IQSEC3: variants seen among roughly 807,000 people sequenced by gnomAD.
The protein encoded by IQSEC3 is IQ motif and SEC7 domain-containing protein 3.
In IQSEC3, 50 loss-of-function variants were observed where a neutral mutation model predicts 105.4. The observed-to-expected ratio is 0.47, with a 90% CI of 0.38 to 0.60. The LOEUF is 0.60. Among genes scored for constraint, IQSEC3 ranks in the 20% least tolerant of loss-of-function variants. The probability of loss-of-function intolerance (pLI) is 0.00; values close to 1 mark genes in which losing one functional copy is unlikely to be tolerated. For synonymous variants in IQSEC3, 708 were observed against 746.0 expected (o/e 0.95, Z 0.83); for missense variants, 1,415 against 1,630.0 (o/e 0.87, Z 2.27).
chr12:102,720 C>T (rs969158302), intron 2 of IQSEC3, among the ~76,000 whole-genome samples: 4 of 152,160 alleles, frequency 2.6e-5, no homozygotes, highest in African/African-American at 9.7e-5. Context: ...GGCTGGGAGC[C>T]GGACAGGGAG....
chr12:162,852 A>G (rs1039382856), intron 8 of IQSEC3, among the ~76,000 whole-genome samples: 16 of 152,138 alleles, frequency 1.1e-4, no homozygotes, highest in Admixed American at 5.9e-4. Flanking sequence ...TGGAGGTGTC[A>G]TATCTGCAGG....
chr12:76,771 G>T (rs763217232), intron 1 of IQSEC3, among the ~76,000 whole-genome samples: 1 of 152,270 alleles, frequency 6.6e-6, no homozygotes, highest in African/African-American at 2.4e-5. Flanking sequence ...GTGTCTGGAA[G>T]CTCAGGTACG....
intron 2 of IQSEC3, among the ~76,000 whole-genome samples, chr12:122,639 G>A (rs1460209942): frequency 6.6e-6 from 1 of 152,214 alleles, no homozygotes; most frequent in Non-Finnish European, 1.5e-5. Flanking sequence ...GGCCACTGGG[G>A]CTCGATCCCA....
intron 2 of IQSEC3, among the ~76,000 whole-genome samples, chr12:113,107 T>TTCCC (rs1555079921): frequency 6.6e-6 from 1 of 152,134 alleles, no homozygotes; most frequent in East Asian, 1.9e-4. Flanking sequence ...CCCCACTTCC[T>TTCCC]TCCCTCCATG....
chr12:72,171 C>T (rs2136860888), intron 1 of IQSEC3, among the ~76,000 whole-genome samples: 1 of 152,350 alleles, frequency 6.6e-6, no homozygotes, highest in Non-Finnish European at 1.5e-5. Flanking sequence ...ACAAAGGCAT[C>T]CTGGCACATT....
chr12:173,314 C>T (rs1207775072), intron 13 of IQSEC3, among the ~76,000 whole-genome samples: 1 of 152,124 alleles, frequency 6.6e-6, no homozygotes, highest in East Asian at 1.9e-4. Flanking sequence ...AAATAAAGCC[C>T]GTGACATGCC....
chr12:144,975 G>A (rs1248780536), intron 5 of IQSEC3, among the ~76,000 whole-genome samples: 1 of 152,220 alleles, frequency 6.6e-6, no homozygotes, highest in African/African-American at 2.4e-5. Context: ...GAAACCACTG[G>A]CATGTGCCAC....
intron 2 of IQSEC3, among the ~76,000 whole-genome samples, chr12:111,300 C>A (rs1318738253): frequency 1.3e-5 from 2 of 152,168 alleles, no homozygotes; most frequent in Non-Finnish European, 2.9e-5. Flanking sequence ...CAAAGGTTGA[C>A]GAATGGGCTT....
At chr12:168,869 C>T in intron 11 of IQSEC3, 144 bp from the exon 12 acceptor site, 1 of 716,590 alleles carries the variant, frequency 1.4e-6, no homozygotes, top group Middle Eastern at 2.6e-4. Flanking sequence ...AGTGGTGGGG[C>T]CAGACCCGAG....
At chr12:123,253 A>T (rs571721309) in intron 2 of IQSEC3, among the ~76,000 whole-genome samples, 2 of 152,050 alleles carry the variant, frequency 1.3e-5, no homozygotes, top group Non-Finnish European at 2.9e-5. Flanking sequence ...AAAAAAATTT[A>T]AAAATTTGCC....
intron 4 of IQSEC3, chr12:140,434 A>G (rs1237233638): frequency 1.3e-5 from 2 of 152,188 alleles, no homozygotes; most frequent in Non-Finnish European, 1.5e-5. Context: ...CTGCATGCAC[A>G]TGAAAACTCA....
Position 125,660 on chromosome 12 carries a change from G to A in IQSEC3, c.651G>A (p.Gly217=), listed in dbSNP as rs782397364. 6.5e-6 allele frequency: 10 copies of A among 1,531,328 alleles called. No individual in the cohort carries two copies. The highest frequency in any genetic ancestry group is 2.5e-5 in the South Asian group (2 of 79,260). 94.9% of individuals were successfully genotyped at this position (1,531,328 alleles called of 1,614,324 possible). A position where few individuals can be genotyped will look rare whatever the true frequency, so the allele number is the denominator to read the frequency against. ...ATGGCTCCTGCACCCAGGCCGGTGGGGGCATGGAGGACTCCGTGGTGGCAG... is the reference window on the plus strand; with the variant it reads ...ATGGCTCCTGCACCCAGGCCGGTGGAGGCATGGAGGACTCCGTGGTGGCAG... ...QSDGSCTQAG[G]GMEDSVVAAA... is the part of the protein sequence containing the mutation. The change falls in exon 3 of 14, where the codon GGG becomes GGA. Residue 217 remains glycine (G), a synonymous_variant. Transcript: ENST00000538872.
Position 174,790 on chromosome 12 carries a change from G to A in IQSEC3, c.3306G>A (p.Leu1102=), listed in dbSNP as rs1267231383. The part of the protein sequence containing the change: ...QCQQIVKVIV[L]DKPCLARMEP... ...AGCAAATTGTCAAGGTCATTGTCCT[G>A]GACAAGCCCTGCCTGGCCCGCATGG... Residue 1102 remains leucine, a synonymous_variant, in exon 14 of 14, where the codon CTG becomes CTA. Transcript: ENST00000538872. 1 of 1,587,806 alleles carries A rather than the reference G, an allele frequency of 6.3e-7. No homozygotes were observed. Among genetic ancestry groups the A allele is most frequent in the Middle Eastern group, 1.7e-4 (1 of 6,018 alleles).
chr12:121,854 T>C (rs1369501601), intron 2 of IQSEC3, among the ~76,000 whole-genome samples: 1 of 152,164 alleles, frequency 6.6e-6, no homozygotes, highest in African/African-American at 2.4e-5. Flanking sequence ...CTAGGTGCTG[T>C]GTGTGCTTTA....
rs1040961963 is a variant in IQSEC3 at position 176,000 on chromosome 12, C to T, written c.*967C>T. On this transcript the variant is annotated 3_prime_UTR_variant, in exon 14 of 14. Coordinates refer to ENST00000538872, the MANE Select transcript of IQSEC3 (RefSeq NM_001170738.2). The stretch of plus-strand genomic sequence containing the variant: ...GCTCCCTCCTGCATGAGGCTCGGCC[C>T]GAGGCAGGGCTCCCTCCTGCATGAG... 10 of 152,168 alleles carry T rather than the reference C, an allele frequency of 6.6e-5. No homozygotes were observed. Among genetic ancestry groups the T allele is most frequent in the African/African-American group, 2.2e-4 (9 of 41,396 alleles). 9.4% of individuals were successfully genotyped at this position (152,168 alleles called of 1,614,324 possible). A position where few individuals can be genotyped will look rare whatever the true frequency, so the allele number is the denominator to read the frequency against.
intron 7 of IQSEC3, among the ~76,000 whole-genome samples, 192 bp from the exon 8 acceptor site, chr12:161,734 G>C (rs1866898821): frequency 6.6e-6 from 1 of 152,256 alleles, no homozygotes; most frequent in South Asian, 2.1e-4. Context: ...CATATCATTA[G>C]TTTTGGTGCC....
intron 9 of IQSEC3, 169 bp from the exon 10 acceptor site, chr12:165,265 A>G (rs1867109399): frequency 1.6e-6 from 1 of 631,636 alleles, no homozygotes; most frequent in Non-Finnish European, 2.8e-6. Context: ...TGTGCAGTGA[A>G]GAAGCACATT....
chr12:109,546 T>A (rs1437463021), intron 2 of IQSEC3, among the ~76,000 whole-genome samples: 1 of 152,066 alleles, frequency 6.6e-6, no homozygotes, highest in Non-Finnish European at 1.5e-5. Context: ...AGCCATCTAG[T>A]CTTTGCCGTA....
intron 1 of IQSEC3, among the ~76,000 whole-genome samples, chr12:96,870 T>C (rs1476970274): frequency 1.3e-5 from 2 of 152,202 alleles, no homozygotes; most frequent in African/African-American, 4.8e-5. Flanking sequence ...CTTAGAATTT[T>C]ATCTTTCATT....
Sources: allele counts gnomAD v4.1 joint callset (sites outside exome capture counted in the v4.1 genomes callset), GRCh38; gene constraint gnomAD v4.1.1; transcripts MANE v1.5; gene names NCBI Gene and HGNC (gene_info 2026-07-23, HGNC 2026-07-21).